Variants in PLCXD3 observed in about 807,000 individuals in gnomAD.
PLCXD3 encodes the protein phosphatidylinositol specific phospholipase C X domain containing 3, also known as PI-PLC X domain-containing protein 3.
In PLCXD3, 19 loss-of-function variants were observed where a neutral mutation model predicts 25.5. The observed-to-expected ratio is 0.75, with a 90% confidence interval of 0.52 to 1.09. The LOEUF (loss-of-function observed/expected upper bound fraction) is 1.09. Among genes scored for constraint, PLCXD3 ranks in the 50% least tolerant of loss-of-function variants. The pLI is 0.00. For synonymous variants in PLCXD3, 174 were observed against 137.6 expected (o/e 1.26, Z -1.85); for missense variants, 411 against 388.1 (o/e 1.06, Z -0.50).
At chr5:41,424,960 G>T (rs975442768) in intron 1 of PLCXD3, among the ~76,000 whole-genome samples, 3 of 152,140 alleles carry the variant, frequency 2.0e-5, no homozygotes, top group Non-Finnish European at 4.4e-5. Context: ...GAGAATTAAG[G>T]TAGAAATAGT....
intron 1 of PLCXD3, among the ~76,000 whole-genome samples, chr5:41,485,131 A>C (rs1352534087): frequency 6.6e-6 from 1 of 152,192 alleles, no homozygotes; most frequent in Admixed American, 6.5e-5. Context: ...ATTTCATTTC[A>C]TTCACACATA....
chr5:41,418,978 T>C (rs544038971), intron 1 of PLCXD3, among the ~76,000 whole-genome samples: 1 of 152,322 alleles, frequency 6.6e-6, no homozygotes, highest in East Asian at 1.9e-4. Context: ...AGCTGGGTGC[T>C]CTGCATTCCA....
chr5:41,410,430 G>T (rs187227043), intron 1 of PLCXD3, among the ~76,000 whole-genome samples: 1 of 151,776 alleles, frequency 6.6e-6, no homozygotes, highest in Non-Finnish European at 1.5e-5. Context: ...GGTGTGAGCC[G>T]CTGTGCCCGT....
chr5:41,362,396 G>A (rs1389726926), intron 2 of PLCXD3, among the ~76,000 whole-genome samples: 1 of 152,184 alleles, frequency 6.6e-6, no homozygotes, highest in Non-Finnish European at 1.5e-5. Context: ...GCAAGGCTAG[G>A]TGAGTTGGTT....
At chr5:41,405,769 G>GT (rs1746332145) in intron 1 of PLCXD3, among the ~76,000 whole-genome samples, 1 of 152,006 alleles carries the variant, frequency 6.6e-6, no homozygotes, top group African/African-American at 2.4e-5. Context: ...TTTTTTATTT[G>GT]TTTGTTTTGT....
At chr5:41,502,856 A>G (rs552671503) in intron 1 of PLCXD3, among the ~76,000 whole-genome samples, 2 of 152,266 alleles carry the variant, frequency 1.3e-5, no homozygotes, top group East Asian at 3.9e-4. Flanking sequence ...TGGACCAAGA[A>G]ATTTGGCTTT....
At chr5:41,460,099 T>C (rs1010333873) in intron 1 of PLCXD3, among the ~76,000 whole-genome samples, 1 of 151,856 alleles carries the variant, frequency 6.6e-6, no homozygotes, top group Non-Finnish European at 1.5e-5. Context: ...CACAAAGATA[T>C]GCGTATATAG....
At chr5:41,340,100 C>T (rs1744097231) in intron 2 of PLCXD3, among the ~76,000 whole-genome samples, 1 of 152,014 alleles carries the variant, frequency 6.6e-6, no homozygotes, top group Admixed American at 6.6e-5. Context: ...ATTGCATTAA[C>T]TGCATGCCTT....
chr5:41,493,594 G>A (rs1375844731), intron 1 of PLCXD3, among the ~76,000 whole-genome samples: 5 of 152,236 alleles, frequency 3.3e-5, no homozygotes, highest in Admixed American at 6.5e-5. Context: ...CACCCAGTTC[G>A]AGCTTTCTGG....
intron 1 of PLCXD3, among the ~76,000 whole-genome samples, chr5:41,471,264 C>T (rs939665743): frequency 7.2e-5 from 11 of 152,174 alleles, no homozygotes; most frequent in African/African-American, 2.7e-4. Flanking sequence ...GAAAGAGGCA[C>T]TGATAGTCTT....
Position 41,483,081 on chromosome 5 carries a change from T to C in PLCXD3, c.103+27343A>G, listed in dbSNP as rs549860364. On this transcript the variant is annotated intron_variant, in intron 1 of 2. Transcript: ENST00000377801. ...GCGTAATATTCTCAAGGTTCATTCA[T>C]TGGACAAGTTCATTTTAAGATCAGT... Among the ~76,000 whole-genome samples, 9 of 152,362 alleles carry C rather than the reference T, an allele frequency of 5.9e-5. No individual in the cohort carries two copies. The South Asian group carries it at 1.4e-3, about 25-fold the overall frequency.
At chr5:41,459,590 A>G (rs1448528602) in intron 1 of PLCXD3, among the ~76,000 whole-genome samples, 23 of 151,784 alleles carry the variant, frequency 1.5e-4, no homozygotes, top group Non-Finnish European at 1.0e-4. Context: ...AAAATAACAC[A>G]CACAGAATAT....
intron 1 of PLCXD3, among the ~76,000 whole-genome samples, chr5:41,435,874 A>G (rs1274938203): frequency 6.6e-6 from 1 of 152,242 alleles, no homozygotes; most frequent in Non-Finnish European, 1.5e-5. Flanking sequence ...ACCATTCAGC[A>G]TCATTTGAGA....
intron 2 of PLCXD3, among the ~76,000 whole-genome samples, chr5:41,369,249 G>A (rs1038675648): frequency 1.9e-4 from 29 of 152,058 alleles, no homozygotes; most frequent in Admixed American, 2.0e-4. Context: ...AAGTTTTCAG[G>A]ATACTTAACA....
At chr5:41,422,925 C>G (rs970854988) in intron 1 of PLCXD3, among the ~76,000 whole-genome samples, 1 of 151,972 alleles carries the variant, frequency 6.6e-6, no homozygotes, top group Non-Finnish European at 1.5e-5. Context: ...AAATAGAATA[C>G]TAGGTTAGGT....
chr5:41,456,934 C>A (rs1303787471), intron 1 of PLCXD3, among the ~76,000 whole-genome samples: 1 of 151,794 alleles, frequency 6.6e-6, no homozygotes, highest in Non-Finnish European at 1.5e-5. Flanking sequence ...CCAAATGGAC[C>A]AAGACCATTA....
intron 2 of PLCXD3, among the ~76,000 whole-genome samples, chr5:41,359,941 T>C (rs552811779): frequency 3.2e-4 from 49 of 152,324 alleles, no homozygotes; most frequent in African/African-American, 1.2e-3. Flanking sequence ...TCCAAACTTT[T>C]AGATTTTTCT....
At chr5:41,418,597 CT>C (rs1746746823) in intron 1 of PLCXD3, among the ~76,000 whole-genome samples, 1 of 152,142 alleles carries the variant, frequency 6.6e-6, no homozygotes, top group South Asian at 2.1e-4. Context: ...AAAGTTAAAA[CT>C]GAATGGTATG....
intron 1 of PLCXD3, among the ~76,000 whole-genome samples, chr5:41,490,804 A>G (rs1390606557): frequency 2.0e-5 from 3 of 151,894 alleles, no homozygotes; most frequent in Non-Finnish European, 2.9e-5. Context: ...TTTTTACTGC[A>G]TCTATTTGAT....
Sources: gnomAD v4.1 joint callset for allele counts (sites outside exome capture counted in the v4.1 genomes callset) on GRCh38, gnomAD v4.1.1 for gene constraint, MANE v1.5 for transcripts, NCBI Gene and HGNC (gene_info 2026-07-23, HGNC 2026-07-21) for gene names.